KDM2A: variants seen among roughly 807,000 people sequenced by gnomAD.
KDM2A encodes the protein lysine-specific demethylase 2A.
KDM2A carries 3 observed loss-of-function variants against 137.3 expected under a neutral mutation model. The observed-to-expected ratio is 0.02, with a 90% confidence interval of 0.01 to 0.06. The LOEUF is 0.06. Among genes scored for constraint, KDM2A ranks in the 10% least tolerant of loss-of-function variants. The pLI, the probability that KDM2A is intolerant of heterozygous loss-of-function variation, is 1.00. For synonymous variants in KDM2A, 512 were observed against 541.5 expected (o/e 0.95, Z 0.76); for missense variants, 738 against 1,510.6 (o/e 0.49, Z 8.48).
intron 2 of KDM2A, among the ~76,000 whole-genome samples, chr11:67,142,948 A>G (rs1856148654): frequency 6.6e-6 from 1 of 151,066 alleles, no homozygotes; most frequent in South Asian, 2.1e-4. Flanking sequence ...ACTCCCTCTC[A>G]GTTGTCTTGA....
chr11:67,181,377 A>T lies in KDM2A; in HGVS notation c.239A>T (p.Asn80Ile). 5 of 1,611,900 alleles carry T rather than the reference A, an allele frequency of 3.1e-6. No individual in the cohort carries two copies. The highest frequency in any genetic ancestry group is 4.2e-6 in the Non-Finnish European group (5 of 1,178,696). Residue 80 changes from asparagine to isoleucine, a missense_variant, in exon 4 of 21, where the codon AAT becomes ATT. Asn to Ile is a moderately radical substitution (Grantham distance 149, BLOSUM62 -3). This residue lies in a region of KDM2A where 74 missense variants were observed against 181.8 expected (regional missense o/e 0.41). Transcript: ENST00000529006. Reference sequence around the variant, plus strand: ...TTGAGAGATCCTCTGATTTTCAAGAATTCTGATGGACTCGGAATAAAGTAA... The same window carrying T: ...TTGAGAGATCCTCTGATTTTCAAGATTTCTGATGGACTCGGAATAAAGTAA... Reference protein sequence around the residue: ...GGLRDPLIFKNSDGLGIKMPD... With the variant: ...GGLRDPLIFKISDGLGIKMPD...
In KDM2A at chr11:67,187,668, G is replaced by T. The variant is rs112254062; in HGVS notation, c.307+5776G>T. Among the ~76,000 whole-genome samples the T allele has an allele frequency of 4.0e-3, 608 of 152,040 alleles. 6 individuals are homozygous for T. The highest frequency in any genetic ancestry group is 0.014 in the African/African-American group (582 of 41,432). On this transcript the variant is annotated intron_variant, in intron 5 of 20. Transcript: ENST00000529006. ...CGACTCACTGCAACCTCTGTCTCCT[G>T]GTTCAAGCGATTCTCCTGCCTCAGC...
intron 2 of KDM2A, among the ~76,000 whole-genome samples, chr11:67,122,404 G>A (rs918020184): frequency 6.6e-5 from 10 of 152,046 alleles, no homozygotes; most frequent in Admixed American, 2.6e-4. Flanking sequence ...TGAGCTCACC[G>A]CAGCCTCCAC....
intron 2 of KDM2A, among the ~76,000 whole-genome samples, chr11:67,148,445 G>GT (rs1565378119): frequency 1.4e-5 from 2 of 148,090 alleles, no homozygotes; most frequent in African/African-American, 2.7e-5. Context: ...TAAAATAAGG[G>GT]TTTTTTCATG....
In KDM2A at chr11:67,255,037, G is replaced by A; in HGVS notation, c.3471G>A (p.Leu1157=). 6.2e-7 allele frequency: 1 copy of A among 1,611,394 alleles called. No homozygotes were observed. Among genetic ancestry groups the A allele is most frequent in the Non-Finnish European group, 8.5e-7 (1 of 1,178,762 alleles). Residue 1157 remains leucine, a synonymous_variant, in exon 21 of 21, where the codon CTG becomes CTA. Transcript: ENST00000529006. ...NSLYCLSDEK[L]IQKIS is the part of the protein sequence containing the mutation. Reference sequence around the variant, plus strand: ...TCTACTGCCTGTCTGACGAGAAGCTGATACAGAAGATCAGCTAAGACACAC... The same window carrying A: ...TCTACTGCCTGTCTGACGAGAAGCTAATACAGAAGATCAGCTAAGACACAC...
chr11:67,134,357 C>G (rs1855926260), intron 2 of KDM2A, among the ~76,000 whole-genome samples: 1 of 151,946 alleles, frequency 6.6e-6, no homozygotes, highest in African/African-American at 2.4e-5. Context: ...ACAGGACAGC[C>G]CTAACTACGA....
Position 67,252,829 on chromosome 11 carries a change from A to G in KDM2A, c.2904A>G (p.Gln968=). 6.2e-7 allele frequency: 1 copy of G among 1,612,158 alleles called. No individual in the cohort carries two copies. Among genetic ancestry groups the G allele is most frequent in the Non-Finnish European group, 8.5e-7 (1 of 1,178,384 alleles). Residue 968 remains glutamine, a synonymous_variant, in exon 18 of 21, where the codon CAA becomes CAG. Transcript: ENST00000529006. ...GTTGGACCAACATCTCTAAAAAGCA[A>G]CTGACATGGCTCGTCAATAGGCTGC... The part of the protein sequence containing the change: ...DLSWTNISKK[Q]LTWLVNRLPG...
At chr11:67,228,711 A>C (rs778707389) in intron 11 of KDM2A, among the ~76,000 whole-genome samples, 7 of 151,224 alleles carry the variant, frequency 4.6e-5, no homozygotes, top group African/African-American at 7.3e-5. Flanking sequence ...AAAGAAAGAA[A>C]GAACGATGAT....
intron 6 of KDM2A, among the ~76,000 whole-genome samples, chr11:67,210,505 T>C (rs189320613): frequency 2.0e-5 from 3 of 152,336 alleles, no homozygotes; most frequent in Admixed American, 6.5e-5. Flanking sequence ...TTATTCACTC[T>C]GTCCCTAGTT....
chr11:67,152,666 T>C (rs1856420475), intron 2 of KDM2A, among the ~76,000 whole-genome samples: 1 of 152,054 alleles, frequency 6.6e-6, no homozygotes, highest in Admixed American at 6.6e-5. Flanking sequence ...CATATGTAGC[T>C]TACATTTTGT....
At chr11:67,216,059 C>T in intron 8 of KDM2A, 110 bp downstream of exon 8, 1 of 825,020 alleles carries the variant, frequency 1.2e-6, no homozygotes, top group Non-Finnish European at 2.1e-6. Context: ...GGGAATTGTC[C>T]CCATTCGTAT....
At position 67,257,283 on chromosome 11, in the gene KDM2A, A is replaced by T. The variant is rs940583481; in HGVS notation, c.*2228A>T. On this transcript the variant is annotated 3_prime_UTR_variant, in exon 21 of 21. Coordinates refer to ENST00000529006, the MANE Select transcript of KDM2A (RefSeq NM_012308.3). Reference sequence around the variant, plus strand: ...GGAAAAACATGCATTTTTACCGTGCACGTAAATTGGTCAGCAGAAAAGGGA... The same window carrying T: ...GGAAAAACATGCATTTTTACCGTGCTCGTAAATTGGTCAGCAGAAAAGGGA... 6.6e-6 allele frequency: 1 copy of T among 152,554 alleles called. No individual in the cohort carries two copies. Among genetic ancestry groups the T allele is most frequent in the Non-Finnish European group, 1.5e-5 (1 of 68,034 alleles). 9.5% of individuals were successfully genotyped at this position (152,554 alleles called of 1,614,324 possible). A position where few individuals can be genotyped will look rare whatever the true frequency, so the allele number is the denominator to read the frequency against.
chr11:67,251,081 G>A (rs1389946629), intron 17 of KDM2A, among the ~76,000 whole-genome samples: 2 of 152,136 alleles, frequency 1.3e-5, no homozygotes, highest in African/African-American at 4.8e-5. Context: ...TTTGTAGTCT[G>A]TGATAAAACT....
intron 2 of KDM2A, among the ~76,000 whole-genome samples, chr11:67,155,404 G>T (rs1225157814): frequency 6.6e-6 from 1 of 151,354 alleles, no homozygotes; most frequent in African/African-American, 2.4e-5. Flanking sequence ...ATACTCCTAG[G>T]CTCAAGCGAT....
At chr11:67,206,965 C>T (rs772776309) in intron 5 of KDM2A, among the ~76,000 whole-genome samples, 1 of 152,182 alleles carries the variant, frequency 6.6e-6, no homozygotes, top group Non-Finnish European at 1.5e-5. Flanking sequence ...GGATAATTAT[C>T]TTCATGGGCT....
chr11:67,237,257 C>T (rs1415106498), intron 12 of KDM2A, among the ~76,000 whole-genome samples: 2 of 151,980 alleles, frequency 1.3e-5, no homozygotes, highest in African/African-American at 4.8e-5. Flanking sequence ...GGCCCCATCC[C>T]AGGAGTATGA....
At chr11:67,135,955 T>G (rs1855962286) in intron 2 of KDM2A, among the ~76,000 whole-genome samples, 1 of 152,248 alleles carries the variant, frequency 6.6e-6, no homozygotes, top group African/African-American at 2.4e-5. Context: ...ATACTTTCAT[T>G]GCATTCTGTG....
intron 2 of KDM2A, among the ~76,000 whole-genome samples, chr11:67,173,712 C>CT (rs1856922729): frequency 6.6e-6 from 1 of 151,914 alleles, no homozygotes; most frequent in African/African-American, 2.4e-5. Flanking sequence ...TATTATTTTT[C>CT]TTTTTATTTA....
intron 2 of KDM2A, among the ~76,000 whole-genome samples, chr11:67,171,343 G>A (rs1030841470): frequency 6.6e-6 from 1 of 152,152 alleles, no homozygotes; most frequent in African/African-American, 2.4e-5. Flanking sequence ...ACAGACCAGA[G>A]GGACTGGTAT....
Sources: gnomAD v4.1 joint callset for allele counts (sites outside exome capture counted in the v4.1 genomes callset) on GRCh38, gnomAD v4.1.1 for gene constraint, gnomAD v4.1.1 regional missense constraint, MANE v1.5 for transcripts, NCBI Gene and HGNC (gene_info 2026-07-23, HGNC 2026-07-21) for gene names.